Variants in CELF2 observed in about 807,000 individuals in gnomAD.
The protein encoded by CELF2 is CUGBP Elav-like family member 2.
CELF2 carries 8 observed loss-of-function variants against 62.6 expected under a neutral mutation model. The observed-to-expected ratio is 0.13, with a 90% CI of 0.07 to 0.23. The LOEUF is 0.23. CELF2 is among the 10% of genes least tolerant of loss of function. The pLI is 1.00. For missense variants in CELF2, 333 were observed against 671.0 expected (o/e 0.50, Z 5.56); for synonymous variants, 258 against 250.0 (o/e 1.03, Z -0.30).
chr10:10,503,070 T>C, the CELF2 span, among the ~76,000 whole-genome samples: 3 of 151,980 alleles, frequency 2.0e-5, no homozygotes, highest in Non-Finnish European at 4.4e-5. Flanking sequence ...TTTAGTTTGA[T>C]TGCATTGTGA....
intron 2 of CELF2, among the ~76,000 whole-genome samples, chr10:11,179,783 T>C (rs2072655091): frequency 6.6e-6 from 1 of 152,204 alleles, no homozygotes; most frequent in South Asian, 2.1e-4. Flanking sequence ...CTATAAAGGT[T>C]AAGAACAACT....
intron 1 of CELF2, among the ~76,000 whole-genome samples, chr10:11,077,939 G>T (rs1440537286): frequency 1.3e-5 from 2 of 152,150 alleles, no homozygotes; most frequent in African/African-American, 4.8e-5. Context: ...CATATTAGGA[G>T]TTTTGCAGCT....
At chr10:10,724,248 G>T in the CELF2 span, among the ~76,000 whole-genome samples, 1 of 152,142 alleles carries the variant, frequency 6.6e-6, no homozygotes, top group Non-Finnish European at 1.5e-5. Flanking sequence ...GGACAAATTT[G>T]GGGTATTCAT....
Position 11,046,863 on chromosome 10 carries a change from CAT to C in CELF2, c.74+28701_74+28702del, listed in dbSNP as rs1029564589. Among the ~76,000 whole-genome samples, 2 of 152,194 alleles carry C rather than the reference CAT, an allele frequency of 1.3e-5. No homozygotes were observed. The highest frequency in any genetic ancestry group is 2.9e-5 in the Non-Finnish European group (2 of 68,046). ...ATCGAAACTGCCTCCACTAAGCTAA[CAT>C]GTGCTTGAGTCACTGGGGAGAAGAA... is the stretch of plus-strand genomic sequence containing the variant. On this transcript the variant is annotated intron_variant, in intron 1 of 12. Coordinates refer to ENST00000633077, the MANE Select transcript of CELF2 (RefSeq NM_001326342.2). This position sits in a 1 kb window ranked among gnomAD's most constrained non-coding sequence, Gnocchi z 4.6.
intron 1 of CELF2, among the ~76,000 whole-genome samples, chr10:10,902,964 TAAG>T (rs906829660): frequency 3.4e-4 from 48 of 140,224 alleles, no homozygotes; most frequent in Middle Eastern, 3.7e-3. Flanking sequence ...GGAGGGAAGA[TAAG>T]GAGAAGAAGG....
At chr10:11,202,202 A>AG (rs1403492068) in intron 2 of CELF2, among the ~76,000 whole-genome samples, 1 of 152,186 alleles carries the variant, frequency 6.6e-6, no homozygotes, top group Admixed American at 6.5e-5. Context: ...TTTAACACAT[A>AG]GGTCAGCGTA....
the CELF2 span, among the ~76,000 whole-genome samples, chr10:10,472,102 A>C: frequency 6.6e-6 from 1 of 151,842 alleles, no homozygotes; most frequent in East Asian, 1.9e-4. Flanking sequence ...TCTGTTTGAC[A>C]TTCATTAAGT....
At position 11,288,565 on chromosome 10, in the gene CELF2, G is replaced by T. The variant is rs768921013; in HGVS notation, c.976+13G>T. ...CTCACGAGTCCCGGTGAGTGTGGGG[G>T]GTGCTCTTCCCTTGCAGGTGATGCA... On this transcript the variant is annotated intron_variant, in intron 9 of 12. Transcript: ENST00000633077. The T allele has an allele frequency of 6.8e-6, 11 of 1,612,548 alleles. No individual in the cohort carries two copies. Among genetic ancestry groups the T allele is most frequent in the Non-Finnish European group, 9.3e-6 (11 of 1,179,622 alleles).
At chr10:10,926,100 G>A (rs2065431778) in intron 2 of CELF2, among the ~76,000 whole-genome samples, 1 of 152,148 alleles carries the variant, frequency 6.6e-6, no homozygotes, top group South Asian at 2.1e-4. Context: ...AAAAATGCAG[G>A]TTGAGTTTGT....
chr10:10,913,891 AAGGG>A (rs1378602272), intron 1 of CELF2, among the ~76,000 whole-genome samples: 7 of 102,770 alleles, frequency 6.8e-5, no homozygotes, highest in African/African-American at 2.1e-4. Flanking sequence ...AGGAAGAAGG[AAGGG>A]AGGGAGGGAG....
chr10:10,820,625 C>T (rs940004939), intron 1 of CELF2, among the ~76,000 whole-genome samples: 1 of 152,188 alleles, frequency 6.6e-6, no homozygotes, highest in Non-Finnish European at 1.5e-5. Flanking sequence ...CAGAGAGGTA[C>T]AGAGTGTTGT....
intron 4 of CELF2, among the ~76,000 whole-genome samples, chr10:11,256,850 G>T (rs939108156): frequency 6.6e-6 from 1 of 151,898 alleles, no homozygotes; most frequent in Non-Finnish European, 1.5e-5. Context: ...AATGTCAGGT[G>T]CCCAGGTTAG....
In CELF2 at chr10:11,156,633, GAC is replaced by G; in HGVS notation, c.75-8852_75-8851del. On this transcript the variant is annotated intron_variant, in intron 1 of 12. Coordinates refer to ENST00000633077, the MANE Select transcript of CELF2 (RefSeq NM_001326342.2). The surrounding 1 kb of genome is among the most constrained non-coding windows in gnomAD (Gnocchi z 4.3). ...TATCCCCAGCTCCTTGAATTTGTCA[GAC>G]TCGCGTCATAAATATGATTAAGTGA... Among the ~76,000 whole-genome samples, 1 of 152,306 alleles carries G rather than the reference GAC, an allele frequency of 6.6e-6. No homozygotes were observed. The highest frequency in any genetic ancestry group is 2.4e-5 in the African/African-American group (1 of 41,566).
intron 1 of CELF2, among the ~76,000 whole-genome samples, chr10:11,116,470 T>C (rs2056587712): frequency 1.3e-5 from 2 of 152,366 alleles, no homozygotes; most frequent in South Asian, 4.1e-4. Flanking sequence ...ATGTGTTCAC[T>C]AACATACATG....
chr10:11,190,560 TGTTTAATCACAGCA>T (rs1391767318), intron 2 of CELF2, among the ~76,000 whole-genome samples: 1 of 151,776 alleles, frequency 6.6e-6, no homozygotes, highest in African/African-American at 2.4e-5. Flanking sequence ...AAGAAATGGC[TGTTTAATCACAGCA>T]GTAACTCCCA....
the CELF2 span, among the ~76,000 whole-genome samples, chr10:10,538,058 C>A: frequency 6.6e-6 from 1 of 152,126 alleles, no homozygotes; most frequent in Non-Finnish European, 1.5e-5. Flanking sequence ...AGCACAAGCC[C>A]TAGAGGCAGT....
chr10:11,187,175 T>C (rs1271871794), intron 2 of CELF2, among the ~76,000 whole-genome samples: 3 of 152,228 alleles, frequency 2.0e-5, no homozygotes, highest in African/African-American at 7.2e-5. Flanking sequence ...TATTTCTCCT[T>C]TGAGTTCTAT....
chr10:11,107,893 C>G (rs940144481), intron 1 of CELF2, among the ~76,000 whole-genome samples: 23 of 108,852 alleles, frequency 2.1e-4, no homozygotes, highest in East Asian at 4.7e-4. Flanking sequence ...CATCTCCTCC[C>G]TTCTCCCATC....
intron 1 of CELF2, among the ~76,000 whole-genome samples, chr10:11,092,986 G>C (rs904986088): frequency 2.0e-5 from 3 of 152,226 alleles, no homozygotes; most frequent in Admixed American, 1.3e-4. Flanking sequence ...TGGCGTTTCA[G>C]ATGCTGTCCA....
Sources: allele counts gnomAD v4.1 joint callset (sites outside exome capture counted in the v4.1 genomes callset), GRCh38; gene constraint gnomAD v4.1.1; non-coding constraint Gnocchi (gnomAD v3.1); transcripts MANE v1.5; gene names NCBI Gene and HGNC (gene_info 2026-07-23, HGNC 2026-07-21).